The following MELK variants were observed in gnomAD, a reference collection of about 807,000 sequenced individuals.
MELK encodes pEg3 kinase.
A neutral mutation model predicts 85.0 loss-of-function variants in MELK; 81 were observed. That is an observed-to-expected ratio of 0.95 (90% CI 0.80 to 1.15). MELK has a LOEUF of 1.15. Ranked by LOEUF, MELK falls within the 50% of genes most tolerant of loss-of-function variation. MELK has a pLI of 0.00. For missense variants in MELK, 754 were observed against 777.5 expected, an observed-to-expected ratio of 0.97 and a Z score of 0.36; for synonymous variants, 252 against 265.0, an observed-to-expected ratio of 0.95 and a Z score of 0.48.
At chr9:36,673,746 A>G (rs1338042782) in intron 16 of MELK, among the ~76,000 whole-genome samples, 1 of 152,224 alleles carries the variant, frequency 6.6e-6, no homozygotes, top group Non-Finnish European at 1.5e-5. Context: ...TTAAAGTACA[A>G]TTAATATGCT....
At chr9:36,669,488 A>T in intron 15 of MELK, 82 bp downstream of exon 15, 2 of 960,988 alleles carry the variant, frequency 2.1e-6, no homozygotes, top group Non-Finnish European at 3.1e-6. Flanking sequence ...GACCTGATTA[A>T]GGTAAATCAT....
chr9:36,671,300 T>C (rs1832867094), intron 16 of MELK, 134 bp downstream of exon 16: 5 of 1,048,828 alleles, frequency 4.8e-6, no homozygotes, highest in Admixed American at 3.7e-5. Context: ...TATATGTTTT[T>C]TGAGCAACTA....
chr9:36,636,728 A>ATTTCTTTTTC (rs1554728918), intron 10 of MELK, among the ~76,000 whole-genome samples: 1 of 100,932 alleles, frequency 9.9e-6, no homozygotes, highest in Non-Finnish European at 2.0e-5. Flanking sequence ...TAGCAACTGG[A>ATTTCTTTTTC]TTTCTTTCTT....
At position 36,665,512 on chromosome 9, in the gene MELK, C is replaced by A. The variant is rs1832254966; in HGVS notation, c.1339C>A (p.Pro447Thr). Reference sequence around the variant, plus strand: ...CTTTATGTTTCCTGAGCCAAAGACTCCAGTTAATAAGAACCAGCATAAGAG... The same window carrying A: ...CTTTATGTTTCCTGAGCCAAAGACTACAGTTAATAAGAACCAGCATAAGAG... ...EYFMFPEPKT[P>T]VNKNQHKREI... The change falls in exon 14 of 18, where the codon CCA (proline) becomes ACA (threonine). Residue 447 changes from proline to threonine, a missense_variant. Physicochemically the swap from Pro to Thr is conservative, Grantham distance 38. Transcript: ENST00000298048. 2 of 1,613,702 alleles carry A rather than the reference C, an allele frequency of 1.2e-6. No homozygotes were observed. Among genetic ancestry groups the A allele is most frequent in the Non-Finnish European group, 1.7e-6 (2 of 1,179,876 alleles).
At chr9:36,587,050 C>T (rs905150287) in intron 3 of MELK, among the ~76,000 whole-genome samples, 8 of 151,918 alleles carry the variant, frequency 5.3e-5, no homozygotes, top group African/African-American at 7.3e-5. Flanking sequence ...GGGTTTTCAC[C>T]GTGTTAGCCA....
At position 36,585,072 on chromosome 9, in the gene MELK, T is replaced by C. The variant is rs549888137; in HGVS notation, c.144+1360T>C. On this transcript the variant is annotated intron_variant, in intron 3 of 17. Transcript: ENST00000298048. ...TAGAAGTTATCTAATTAAATCCTTT[T>C]CCAAATCAGCCTCTTTTTCCTCTAT... is the stretch of plus-strand genomic sequence containing the variant. 3.9e-5 allele frequency among the ~76,000 whole-genome samples: 6 copies of C among 152,232 alleles called. 1 individual carries two copies. The South Asian group carries it at 1.0e-3, about 26-fold the overall frequency.
intron 8 of MELK, among the ~76,000 whole-genome samples, chr9:36,627,067 C>CAT (rs1171562265): frequency 2.7e-5 from 4 of 150,606 alleles, no homozygotes; most frequent in Non-Finnish European, 5.9e-5. Context: ...CACACACACA[C>CAT]ACACACACAC....
chr9:36,643,945 A>G (rs964953624), intron 11 of MELK, among the ~76,000 whole-genome samples: 5 of 151,868 alleles, frequency 3.3e-5, no homozygotes, highest in East Asian at 1.9e-4. Flanking sequence ...AAAAAAAAAA[A>G]AAAAGAAAAG....
chr9:36,606,598 ATAAT>A (rs1252018845), intron 7 of MELK, among the ~76,000 whole-genome samples: 1 of 147,088 alleles, frequency 6.8e-6, no homozygotes, highest in African/African-American at 2.5e-5. Flanking sequence ...AGGTGTGTAT[ATAAT>A]ATATACATAT....
chr9:36,611,752 C>CTATTATTAT (rs761980953), intron 8 of MELK, among the ~76,000 whole-genome samples: 6,212 of 145,368 alleles, frequency 0.043, 304 homozygotes, highest in African/African-American at 0.11. Flanking sequence ...ATAAATGTAG[C>CTATTATTAT]TATTATTATT....
rs60212848 is a variant in MELK, at chr9:36,616,387, C to CTTTTTTTTTTTTTTTTTTT, written c.666+8716_666+8734dup. Among the ~76,000 whole-genome samples, 26 of 114,634 alleles carry CTTTTTTTTTTTTTTTTTTT rather than the reference C, an allele frequency of 2.3e-4. 1 individual carries two copies. Among genetic ancestry groups the CTTTTTTTTTTTTTTTTTTT allele is most frequent in the South Asian group, 1.1e-3 (4 of 3,628 alleles). The allele number at this position is 114,634 out of a possible 152,430, so 75.2% of individuals were successfully genotyped here. ...TTAAAGGTATCTAGCATGTCAAACT[C>CTTTTTTTTTTTTTTTTTTT]TTTTTTTTTTTTTTTTTTTTAAGGC... On this transcript the variant is annotated intron_variant, in intron 8 of 17. Transcript: ENST00000298048.
chr9:36,596,155 G>T (rs543385725), intron 5 of MELK, among the ~76,000 whole-genome samples: 1 of 151,958 alleles, frequency 6.6e-6, no homozygotes, highest in Admixed American at 6.6e-5. Context: ...TGAACTCGTC[G>T]ATTTCAACTC....
At chr9:36,593,661 G>A (rs1465255390) in intron 4 of MELK, among the ~76,000 whole-genome samples, 2 of 152,136 alleles carry the variant, frequency 1.3e-5, no homozygotes, top group African/African-American at 2.4e-5. Flanking sequence ...GATCTTTAAG[G>A]TACGTTTTTT....
chr9:36,655,158 T>G (rs1016905608), intron 12 of MELK, among the ~76,000 whole-genome samples: 2 of 152,190 alleles, frequency 1.3e-5, no homozygotes, highest in African/African-American at 4.8e-5. Context: ...GTGTAAAGTA[T>G]AATACTTGTT....
At chr9:36,609,156 G>A (rs894077436) in intron 8 of MELK, among the ~76,000 whole-genome samples, 1 of 151,990 alleles carries the variant, frequency 6.6e-6, no homozygotes, top group Admixed American at 6.6e-5. Flanking sequence ...TGTGAGTATG[G>A]GTTTTCTTTT....
At chr9:36,670,596 T>TA (rs1832794235) in intron 15 of MELK, among the ~76,000 whole-genome samples, 1 of 151,364 alleles carries the variant, frequency 6.6e-6, no homozygotes, top group South Asian at 2.1e-4. Context: ...TATATATCAG[T>TA]GTATATCTAT....
Position 36,581,716 on chromosome 9 carries a change from A to C in MELK, c.35A>C (p.Glu12Ala). ...TATGATGAACTTCTCAAATATTATG[A>C]ATTACATGAAACTATTGGGACAGGT... ...KDYDELLKYY[E>A]LHETIGTGGF... Residue 12 changes from glutamate to alanine, a missense_variant, in exon 2 of 18, where the codon GAA (glutamate) becomes GCA (alanine). Transcript: ENST00000298048. 1 of 1,597,544 alleles carries C rather than the reference A, an allele frequency of 6.3e-7. No individual in the cohort carries two copies. The highest frequency in any genetic ancestry group is 8.6e-7 in the Non-Finnish European group (1 of 1,166,050).
chr9:36,659,239 C>T (rs189299709), intron 13 of MELK, among the ~76,000 whole-genome samples: 2 of 152,020 alleles, frequency 1.3e-5, no homozygotes, highest in East Asian at 3.9e-4. Context: ...TGGTGTTAAA[C>T]TCCTGACCTC....
chr9:36,621,377 G>GTTTCAGC (rs1291171228), intron 8 of MELK, among the ~76,000 whole-genome samples: 1 of 131,448 alleles, frequency 7.6e-6, no homozygotes, highest in Non-Finnish European at 1.6e-5. Context: ...GTTTTATTCT[G>GTTTCAGC]TTTCAGCTAT....
Sources: gnomAD v4.1 joint callset for allele counts (sites outside exome capture counted in the v4.1 genomes callset) on GRCh38, gnomAD v4.1.1 for gene constraint, MANE v1.5 for transcripts, NCBI Gene and HGNC (gene_info 2026-07-23, HGNC 2026-07-21) for gene names.